MBD3L1: variants seen among roughly 807,000 people sequenced by gnomAD.
MBD3L1 encodes methyl-CpG-binding domain protein 3-like 1.
For missense variants in MBD3L1, 203 were observed against 230.1 expected (o/e 0.88, Z 0.76); for synonymous variants, 84 against 85.1 (o/e 0.99, Z 0.07).
chr19:8,832,802 G>C (rs2044395016), intron 1 of MBD3L1, among the ~76,000 whole-genome samples: 2 of 152,010 alleles, frequency 1.3e-5, no homozygotes, highest in African/African-American at 4.8e-5. Context: ...TTCCGGGGCG[G>C]GGCTGAGCGG....
chr19:8,836,351 C>T (rs1442147312), intron 1 of MBD3L1, among the ~76,000 whole-genome samples: 1 of 151,626 alleles, frequency 6.6e-6, no homozygotes, highest in Non-Finnish European at 1.5e-5. Flanking sequence ...CTTCCTCTTC[C>T]TCCTCCTCCT....
At chr19:8,839,179 T>A (rs1175274922) in intron 1 of MBD3L1, among the ~76,000 whole-genome samples, 1 of 66,016 alleles carries the variant, frequency 1.5e-5, no homozygotes, top group Admixed American at 2.0e-4. Context: ...TTTTTTCTTT[T>A]CTTTTCTTTT....
chr19:8,838,837 G>C, intron 1 of MBD3L1, among the ~76,000 whole-genome samples: 1 of 152,194 alleles, frequency 6.6e-6, no homozygotes, highest in Non-Finnish European at 1.5e-5. Flanking sequence ...ATTTTATAGG[G>C]TCGTGCTGGA....
intron 1 of MBD3L1, among the ~76,000 whole-genome samples, chr19:8,834,721 A>T (rs1191689219): frequency 2.6e-5 from 4 of 152,152 alleles, no homozygotes; most frequent in Non-Finnish European, 5.9e-5. Flanking sequence ...TACAAAAGTG[A>T]GCTCAAAATA....
intron 1 of MBD3L1, chr19:8,833,620 TAGTTGTG>T (rs1303535553): frequency 1.3e-5 from 2 of 152,276 alleles, no homozygotes; most frequent in African/African-American, 4.8e-5. Flanking sequence ...ACGTGCATTT[TAGTTGTG>T]AGTTGGGCAG....
intron 1 of MBD3L1, among the ~76,000 whole-genome samples, chr19:8,839,177 T>C (rs1349100300): frequency 1.5e-5 from 1 of 65,034 alleles, no homozygotes; most frequent in Non-Finnish European, 3.0e-5. Context: ...TTTTTTTTCT[T>C]TTCTTTTCTT....
At position 8,836,689 on chromosome 19, in the gene MBD3L1, G is replaced by A. The variant is rs182541531; in HGVS notation, c.-107+4167G>A. Among the ~76,000 whole-genome samples, 187 of 152,056 alleles carry A rather than the reference G, an allele frequency of 1.2e-3. 2 individuals carry two copies. The highest frequency in any genetic ancestry group is 1.5e-3 in the East Asian group (8 of 5,170). On this transcript the variant is annotated intron_variant, in intron 1 of 2. Coordinates refer to ENST00000595891, the MANE Select transcript of MBD3L1 (RefSeq NM_001393532.1). ...GTATTTTTTATAGAGACAGGGACTC[G>A]CCACACCACAGAGGCTAGTCTCGAA...
Position 8,842,638 on chromosome 19 carries a change from T to G in MBD3L1, c.-21-20T>G. ...GCTTCATTGATCAATTTGACCCCAT[T>G]TCATGATTTATTTTAATAGTGTAAG... is the stretch of plus-strand genomic sequence containing the variant. On this transcript the variant is annotated intron_variant, in intron 2 of 2. Transcript: ENST00000595891. 6.5e-7 allele frequency: 1 copy of G among 1,541,336 alleles called. No homozygotes were observed. Among genetic ancestry groups the G allele is most frequent in the Non-Finnish European group, 8.9e-7 (1 of 1,125,060 alleles).
Position 8,842,693 on chromosome 19 carries a change from A to G in MBD3L1, c.15A>G (p.Ser5=). The G allele has an allele frequency of 6.2e-7, 1 of 1,613,764 alleles. No homozygotes were observed. The highest frequency in any genetic ancestry group is 1.1e-5 in the South Asian group (1 of 91,038). MAKS[S]QRKQRDCVNQ... ...AAAGAAGTGTGATGGCCAAGAGTTCACAGAGGAAGCAACGTGACTGTGTAA... is the reference window on the plus strand; with the variant it reads ...AAAGAAGTGTGATGGCCAAGAGTTCGCAGAGGAAGCAACGTGACTGTGTAA... The change falls in exon 3 of 3, where the codon TCA becomes TCG. Residue 5 remains serine, a synonymous_variant. Transcript: ENST00000595891.
Position 8,842,846 on chromosome 19 carries a change from G to A in MBD3L1, c.168G>A (p.Glu56=). The A allele has an allele frequency of 5.0e-6, 8 of 1,614,240 alleles. No homozygotes were observed. The highest frequency in any genetic ancestry group is 6.8e-6 in the Non-Finnish European group (8 of 1,180,038). Residue 56 remains glutamate (E), a synonymous_variant, in exon 3 of 3, where the codon GAG becomes GAA. Transcript: ENST00000595891. ...ATGAGGTCAGATACCATCAATGGGA[G>A]GAGAGCTTGGAGAAGCCTCAGCAGG... ...PGNEVRYHQW[E]ESLEKPQQVC... is the part of the protein sequence containing the mutation.
At position 8,842,852 on chromosome 19, in the gene MBD3L1, C is replaced by G; in HGVS notation, c.174C>G (p.Ser58Arg). The G allele has an allele frequency of 6.2e-7, 1 of 1,614,230 alleles. No homozygotes were observed. The highest frequency in any genetic ancestry group is 2.2e-5 in the East Asian group (1 of 44,886). Reference sequence around the variant, plus strand: ...TCAGATACCATCAATGGGAGGAGAGCTTGGAGAAGCCTCAGCAGGTCTGCT... The same window carrying G: ...TCAGATACCATCAATGGGAGGAGAGGTTGGAGAAGCCTCAGCAGGTCTGCT... ...NEVRYHQWEE[S>R]LEKPQQVCWQ... The change falls in exon 3 of 3, where the codon AGC (serine) becomes AGG (arginine). Residue 58 changes from serine to arginine, a missense_variant. Coordinates refer to ENST00000595891, the MANE Select transcript of MBD3L1 (RefSeq NM_001393532.1).
intron 1 of MBD3L1, among the ~76,000 whole-genome samples, chr19:8,833,725 A>T (rs1268871885): frequency 1.3e-5 from 2 of 151,392 alleles, no homozygotes; most frequent in Non-Finnish European, 2.9e-5. Flanking sequence ...CTGGTGGCTT[A>T]CGCTTGTAAT....
intron 1 of MBD3L1, among the ~76,000 whole-genome samples, chr19:8,837,332 A>G (rs556207591): frequency 6.6e-6 from 1 of 152,344 alleles, no homozygotes; most frequent in African/African-American, 2.4e-5. Context: ...CAAAATAAGT[A>G]CTGGTGTAGC....
At chr19:8,842,410 T>G (rs1039782276) in intron 2 of MBD3L1, among the ~76,000 whole-genome samples, 2 of 149,508 alleles carry the variant, frequency 1.3e-5, no homozygotes, top group Non-Finnish European at 3.0e-5. Context: ...CATTTAAGAG[T>G]GACAAGGGCA....
At position 8,842,059 on chromosome 19, in the gene MBD3L1, C is replaced by T. The variant is rs146567182; in HGVS notation, c.-21-599C>T. ...TGGCAGGATTTGGGCTGGGCACGGT[C>T]GCCCATGCCTGTAATCCCAGCACTT... is the stretch of plus-strand genomic sequence containing the variant. On this transcript the variant is annotated intron_variant, in intron 2 of 2. Transcript: ENST00000595891. 1.3e-3 allele frequency among the ~76,000 whole-genome samples: 200 copies of T among 152,126 alleles called. 1 individual carries two copies. Among genetic ancestry groups the T allele is most frequent in the African/African-American group, 4.6e-3 (192 of 41,508 alleles).
intron 1 of MBD3L1, among the ~76,000 whole-genome samples, chr19:8,837,235 A>C (rs2044464945): frequency 6.6e-6 from 1 of 152,200 alleles, no homozygotes; most frequent in African/African-American, 2.4e-5. Context: ...TTTTACAGTG[A>C]TCTAAATCAG....
chr19:8,835,067 T>C (rs1473586410), intron 1 of MBD3L1, among the ~76,000 whole-genome samples: 1 of 152,070 alleles, frequency 6.6e-6, no homozygotes, highest in African/African-American at 2.4e-5. Context: ...TTTTTTTCTT[T>C]TTGAGGTGGA....
At chr19:8,834,135 C>G (rs944970035) in intron 1 of MBD3L1, among the ~76,000 whole-genome samples, 2 of 152,090 alleles carry the variant, frequency 1.3e-5, no homozygotes, top group Admixed American at 1.3e-4. Context: ...TTTCATGCAC[C>G]CGTCCTTTCA....
Position 8,843,176 on chromosome 19 carries a change from G to A in MBD3L1, c.498G>A (p.Glu166=), listed in dbSNP as rs146347817. The change falls in exon 3 of 3, where the codon GAG becomes GAA. Residue 166 remains glutamate (E), a synonymous_variant. Coordinates refer to ENST00000595891, the MANE Select transcript of MBD3L1 (RefSeq NM_001393532.1). ...AAGGGAAAGTGAAGACAGTCAGAGAGAGACTCGCAATAGCACTGATTGCGG... is the reference window on the plus strand; with the variant it reads ...AAGGGAAAGTGAAGACAGTCAGAGAAAGACTCGCAATAGCACTGATTGCGG... The part of the protein sequence containing the change: ...KQEGKVKTVR[E]RLAIALIADG... 6.2e-7 allele frequency: 1 copy of A among 1,613,798 alleles called. No individual in the cohort carries two copies. The highest frequency in any genetic ancestry group is 1.1e-5 in the South Asian group (1 of 90,936).
Sources: gnomAD v4.1 joint callset for allele counts (sites outside exome capture counted in the v4.1 genomes callset) on GRCh38, gnomAD v4.1.1 for gene constraint, MANE v1.5 for transcripts, NCBI Gene and HGNC (gene_info 2026-07-23, HGNC 2026-07-21) for gene names.